The following CD177 variants were observed in gnomAD, a reference collection of about 807,000 sequenced individuals.
CD177 encodes CD177 molecule.
CD177 carries 41 observed loss-of-function variants against 38.1 expected under a neutral mutation model. That is an observed-to-expected ratio of 1.07 (90% CI 0.84 to 1.39). The LOEUF is 1.39. Among genes scored for constraint, CD177 ranks in the 40% most tolerant of loss-of-function variants. The probability of loss-of-function intolerance (pLI) is 0.00; values close to 1 mark genes in which losing one functional copy is unlikely to be tolerated. For synonymous variants in CD177, 236 were observed against 216.7 expected (o/e 1.09, Z -0.78); for missense variants, 619 against 523.8 (o/e 1.18, Z -1.77).
chr19:43,360,501 T>A (rs1270312131), intron 6 of CD177, 96 bp downstream of exon 6: 8 of 1,220,888 alleles, frequency 6.6e-6, no homozygotes, highest in Non-Finnish European at 9.1e-6. Flanking sequence ...CCTGCTCAGC[T>A]CCCTTCACAT....
At position 43,354,290 on chromosome 19, in the gene CD177, C is replaced by G. The variant is rs758745056; in HGVS notation, c.277C>G (p.Pro93Ala). Residue 93 changes from proline (P) to alanine (A), a missense_variant, in exon 3 of 9, where the codon CCC becomes GCC. By Grantham distance (27) the Pro-to-Ala change is conservative. Coordinates refer to ENST00000618265, the MANE Select transcript of CD177 (RefSeq NM_020406.4). ...EPRVTEHRMG[P>A]GLSLISYTFV... ...CCGCGTCACTGAGCACCGGATGGGC[C>G]CCGGCCTCTCCCTGATCTCCTACAC... is the stretch of plus-strand genomic sequence containing the variant. 6.2e-7 allele frequency: 1 copy of G among 1,613,954 alleles called. No homozygotes were observed. The highest frequency in any genetic ancestry group is 8.5e-7 in the Non-Finnish European group (1 of 1,179,874).
downstream of CD177, chr19:43,363,207 AC>A (rs1332336462): frequency 6.6e-6 from 1 of 152,170 alleles, no homozygotes; most frequent in Non-Finnish European, 1.5e-5. Context: ...GCTGACCCAA[AC>A]GTTGCTATGT....
chr19:43,353,926 G>T lies in CD177; in HGVS notation c.126G>T (p.Trp42Cys). Reference sequence around the variant, plus strand: ...AGGTGTCCGACCTGCCCCGGCAATGGACCCCTAAGAACACCAGCTGCGACA... The same window carrying T: ...AGGTGTCCGACCTGCCCCGGCAATGTACCCCTAAGAACACCAGCTGCGACA... ...VWKVSDLPRQ[W>C]TPKNTSCDSG... Residue 42 changes from tryptophan to cysteine, a missense_variant, in exon 2 of 9, where the codon TGG becomes TGT. Transcript: ENST00000618265. 1 of 1,613,866 alleles carries T rather than the reference G, an allele frequency of 6.2e-7. No homozygotes were observed.
rs779287658 is a variant in CD177 at position 43,354,251 on chromosome 19, A to G, written c.238A>G (p.Lys80Glu). 1.9e-6 allele frequency: 3 copies of G among 1,613,800 alleles called. No homozygotes were observed. The highest frequency in any genetic ancestry group is 1.7e-5 in the Admixed American group (1 of 60,014). ...LVLSKGCTEA[K>E]DQEPRVTEHR... is the part of the protein sequence containing the mutation. ...GCTCTCCAAGGGCTGCACGGAGGCC[A>G]AGGACCAGGAGCCCCGCGTCACTGA... The change falls in exon 3 of 9, where the codon AAG (lysine) becomes GAG (glutamate). Residue 80 changes from lysine to glutamate, a missense_variant. Lys to Glu is a moderately conservative substitution (Grantham distance 56). Transcript: ENST00000618265.
intron 7 of CD177, 38 bp from the exon 8 acceptor site, chr19:43,361,407 A>T (rs1240471250): frequency 2.5e-6 from 4 of 1,596,284 alleles, no homozygotes; most frequent in Admixed American, 3.3e-5. Flanking sequence ...TGCTCTGAGC[A>T]CAAAGTCATG....
At chr19:43,365,352 A>G (rs1970018729), downstream of CD177, among the ~76,000 whole-genome samples, 1 of 121,614 alleles carries the variant, frequency 8.2e-6, no homozygotes, top group Admixed American at 8.5e-5. Flanking sequence ...CCATGTGGCC[A>G]TCTGCACCTG....
At chr19:43,360,826 C>G in intron 6 of CD177, 1 of 515,748 alleles carries the variant, frequency 1.9e-6, no homozygotes, top group Non-Finnish European at 3.5e-6. Flanking sequence ...AATGGAGATC[C>G]CAGCTCTGCA....
intron 6 of CD177, 130 bp downstream of exon 6, chr19:43,360,535 C>A (rs1283901293): frequency 1.1e-6 from 1 of 913,792 alleles, no homozygotes; most frequent in Non-Finnish European, 1.6e-6. Context: ...TCCGACTCTT[C>A]TTCTCTCTGC....
chr19:43,354,466 C>G, intron 3 of CD177, 74 bp downstream of exon 3: 4 of 1,491,646 alleles, frequency 2.7e-6, no homozygotes, highest in Non-Finnish European at 3.7e-6. Context: ...GGGGCTGTTA[C>G]GGAGTCCCTC....
chr19:43,354,301 C>T lies in CD177; in HGVS notation c.288C>T (p.Ser96=), dbSNP rs1029641588. Residue 96 remains serine (S), a synonymous_variant, in exon 3 of 9, where the codon TCC becomes TCT. Coordinates refer to ENST00000618265, the MANE Select transcript of CD177 (RefSeq NM_020406.4). The part of the protein sequence containing the change: ...VTEHRMGPGL[S]LISYTFVCRQ... ...AGCACCGGATGGGCCCCGGCCTCTC[C>T]CTGATCTCCTACACCTTCGTGTGCC... 9 of 1,613,860 alleles carry T rather than the reference C, an allele frequency of 5.6e-6. No individual in the cohort carries two copies. In the African/African-American group the frequency reaches 1.1e-4, roughly 19 times the overall value.
intron 3 of CD177, 149 bp downstream of exon 3, chr19:43,354,541 C>T (rs1396928688): frequency 8.0e-6 from 6 of 752,532 alleles, no homozygotes; most frequent in African/African-American, 3.5e-5. Flanking sequence ...CCCTGACCAT[C>T]GCCCCGCCCC....
chr19:43,355,960 C>G (rs1218228247), intron 4 of CD177, 32 bp from the exon 5 acceptor site: 20 of 689,010 alleles, frequency 2.9e-5, no homozygotes, highest in Non-Finnish European at 5.2e-5. Context: ...GAGGCAGCAT[C>G]ACTGACTCTC....
chr19:43,362,540 G>T lies in CD177; in HGVS notation c.*220G>T. On this transcript the variant is annotated 3_prime_UTR_variant, in exon 9 of 9. Coordinates refer to ENST00000618265, the MANE Select transcript of CD177 (RefSeq NM_020406.4). ...ATGGGAGAGGGGACGCTGGAGGAGT[G>T]GCTGCATGTATCTGATAATACAGAC... is the stretch of plus-strand genomic sequence containing the variant. The T allele has an allele frequency of 2.2e-6, 1 of 458,620 alleles. No individual in the cohort carries two copies. The allele number at this position is 458,620 out of a possible 1,614,324, so 28.4% of individuals were successfully genotyped here. A position where few individuals can be genotyped will look rare whatever the true frequency, so the allele number is the denominator to read the frequency against.
At position 43,354,320 on chromosome 19, in the gene CD177, G is replaced by A. The variant is rs773947126; in HGVS notation, c.307G>A (p.Val103Met). 1.5e-5 allele frequency: 25 copies of A among 1,613,774 alleles called. No individual in the cohort carries two copies. Among genetic ancestry groups the A allele is most frequent in the South Asian group, 1.2e-4 (11 of 91,082 alleles). The change falls in exon 3 of 9, where the codon GTG becomes ATG. Residue 103 changes from valine (V) to methionine (M), a missense_variant. Coordinates refer to ENST00000618265, the MANE Select transcript of CD177 (RefSeq NM_020406.4). ...PGLSLISYTF[V>M]CRQEDFCNNL... ...CCTCTCCCTGATCTCCTACACCTTC[G>A]TGTGCCGCCAGGAGGACTTCTGCAA... is the stretch of plus-strand genomic sequence containing the variant.
chr19:43,363,948 G>A (rs1229495630), downstream of CD177, among the ~76,000 whole-genome samples: 1 of 152,078 alleles, frequency 6.6e-6, no homozygotes, highest in Admixed American at 6.5e-5. Context: ...AAATAAGCCG[G>A]GTGTGGTGGT....
Position 43,354,287 on chromosome 19 carries a change from G to A in CD177, c.274G>A (p.Gly92Ser), listed in dbSNP as rs1209044645. The A allele has an allele frequency of 1.1e-5, 18 of 1,613,786 alleles. No homozygotes were observed. Among genetic ancestry groups the A allele is most frequent in the Non-Finnish European group, 1.1e-5 (13 of 1,179,878 alleles). The change falls in exon 3 of 9, where the codon GGC becomes AGC. Residue 92 changes from glycine (G) to serine (S), a missense_variant. By Grantham distance (56) the Gly-to-Ser change is moderately conservative. Coordinates refer to ENST00000618265, the MANE Select transcript of CD177 (RefSeq NM_020406.4). ...QEPRVTEHRM[G>S]PGLSLISYTF... The stretch of plus-strand genomic sequence containing the variant: ...GCCCCGCGTCACTGAGCACCGGATG[G>A]GCCCCGGCCTCTCCCTGATCTCCTA...
At position 43,353,879 on chromosome 19, in the gene CD177, G is replaced by T. The variant is rs1354428690; in HGVS notation, c.79G>T (p.Gly27Trp). ...PGVQALLCQF[G>W]TVQHVWKVSD... Reference sequence around the variant, plus strand: ...AGTGCAGGCGCTGCTCTGCCAGTTTGGGACAGTTCAGCATGTGTGGAAGGT... The same window carrying T: ...AGTGCAGGCGCTGCTCTGCCAGTTTTGGACAGTTCAGCATGTGTGGAAGGT... The change falls in exon 2 of 9, where the codon GGG becomes TGG. Residue 27 changes from glycine (G) to tryptophan (W), a missense_variant. Gly to Trp is a radical substitution (Grantham distance 184, BLOSUM62 -2). Transcript: ENST00000618265. 3.1e-6 allele frequency: 5 copies of T among 1,613,880 alleles called. No homozygotes were observed. Among genetic ancestry groups the T allele is most frequent in the Non-Finnish European group, 4.2e-6 (5 of 1,179,852 alleles).
At chr19:43,363,208 C>T (rs1399123762), downstream of CD177, 4 of 152,220 alleles carry the variant, frequency 2.6e-5, no homozygotes, top group Admixed American at 2.0e-4. Flanking sequence ...CTGACCCAAA[C>T]GTTGCTATGT....
chr19:43,360,472 G>A (rs1167001436), intron 6 of CD177, 67 bp downstream of exon 6: 2 of 1,464,574 alleles, frequency 1.4e-6, no homozygotes, highest in East Asian at 5.0e-5. Flanking sequence ...CACCCCACTG[G>A]ATTCTTTCCC....
Sources: allele counts gnomAD v4.1 joint callset (sites outside exome capture counted in the v4.1 genomes callset), GRCh38; gene constraint gnomAD v4.1.1; transcripts MANE v1.5; gene names NCBI Gene and HGNC (gene_info 2026-07-23, HGNC 2026-07-21).